PLCB1: variants seen among roughly 807,000 people sequenced by gnomAD.
PLCB1 encodes 1-phosphatidylinositol 4,5-bisphosphate phosphodiesterase beta-1.
In PLCB1, 46 loss-of-function variants were observed where a neutral mutation model predicts 161.8. The observed-to-expected ratio is 0.28, with a 90% CI of 0.22 to 0.36. The LOEUF (loss-of-function observed/expected upper bound fraction) is 0.36, where lower values mean the gene tolerates loss of function less well. Ranked by LOEUF, PLCB1 falls within the 10% of genes least tolerant of loss-of-function variation. The probability of loss-of-function intolerance (pLI) is 1.00; values close to 1 mark genes in which losing one functional copy is unlikely to be tolerated. For synonymous variants in PLCB1, 517 were observed against 503.7 expected, an observed-to-expected ratio of 1.03 and a Z score of -0.35; for missense variants, 1,016 against 1,472.5, an observed-to-expected ratio of 0.69 and a Z score of 5.07.
At chr20:8,768,284 G>A (rs1982470068) in intron 26 of PLCB1, among the ~76,000 whole-genome samples, 1 of 152,050 alleles carries the variant, frequency 6.6e-6, no homozygotes, top group South Asian at 2.1e-4. Flanking sequence ...TCTGGTGGTT[G>A]CTGGCAATCT....
intron 2 of PLCB1, among the ~76,000 whole-genome samples, chr20:8,335,298 A>G (rs1355231601): frequency 1.3e-5 from 2 of 152,200 alleles, no homozygotes; most frequent in African/African-American, 4.8e-5. Flanking sequence ...AAGGGTCAAT[A>G]TCTAGGCAGA....
intron 11 of PLCB1, among the ~76,000 whole-genome samples, chr20:8,699,402 C>T (rs545045863): frequency 6.6e-5 from 10 of 152,344 alleles, no homozygotes; most frequent in African/African-American, 2.4e-4. Flanking sequence ...CTGTGTGCCA[C>T]TTGCCAACTC....
chr20:8,319,148 A>C (rs970649648), intron 2 of PLCB1, among the ~76,000 whole-genome samples: 1 of 152,200 alleles, frequency 6.6e-6, no homozygotes, highest in African/African-American at 2.4e-5. Flanking sequence ...TTAGAGTCAC[A>C]AAACCTAGTG....
intron 2 of PLCB1, among the ~76,000 whole-genome samples, chr20:8,311,346 A>T (rs1984392597): frequency 1.3e-5 from 2 of 152,250 alleles, no homozygotes; most frequent in African/African-American, 4.8e-5. Flanking sequence ...AATCATGAAT[A>T]GATATGTTTA....
intron 3 of PLCB1, among the ~76,000 whole-genome samples, chr20:8,609,084 T>A (rs1023807493): frequency 4.6e-5 from 7 of 152,194 alleles, no homozygotes; most frequent in African/African-American, 1.7e-4. Context: ...CTTTATTGAT[T>A]TGAAAGTGTT....
intron 1 of PLCB1, among the ~76,000 whole-genome samples, chr20:8,137,614 GTGTAACA>G (rs2051362246): frequency 6.6e-6 from 1 of 152,182 alleles, no homozygotes; most frequent in Admixed American, 6.5e-5. Context: ...TAAAAAATCA[GTGTAACA>G]TGCGTACAAC....
At chr20:8,191,677 G>T (rs1022278883) in intron 2 of PLCB1, among the ~76,000 whole-genome samples, 1 of 151,946 alleles carries the variant, frequency 6.6e-6, no homozygotes, top group Non-Finnish European at 1.5e-5. Context: ...GGACAGATTA[G>T]TATGCTCTGT....
chr20:8,844,426 G>A (rs1053303242), intron 31 of PLCB1, among the ~76,000 whole-genome samples: 7 of 152,180 alleles, frequency 4.6e-5, no homozygotes, highest in African/African-American at 9.7e-5. Flanking sequence ...GCCCTTGAAC[G>A]TGTGGGACAG....
chr20:8,267,300 A>G (rs1600274378), intron 2 of PLCB1, among the ~76,000 whole-genome samples: 1 of 152,216 alleles, frequency 6.6e-6, no homozygotes, highest in East Asian at 1.9e-4. Flanking sequence ...AGTCCTATGG[A>G]GAACTGCTCC....
intron 26 of PLCB1, among the ~76,000 whole-genome samples, chr20:8,768,402 C>G (rs1982480968): frequency 6.6e-6 from 1 of 152,106 alleles, no homozygotes; most frequent in African/African-American, 2.4e-5. Context: ...CTTCTAATGA[C>G]AGACACCAGG....
In PLCB1 at chr20:8,756,554, C is replaced by T. The variant is rs76085751; in HGVS notation, c.2524-492C>T. 1.1e-3 allele frequency among the ~76,000 whole-genome samples: 173 copies of T among 152,284 alleles called. 4 individuals are homozygous for T. The East Asian group carries it at 0.026, about 23-fold the overall frequency. The stretch of plus-strand genomic sequence containing the variant: ...ACTCATAGACTCAGCTCATCTCAGC[C>T]GGGTTCACTCAAGTGTATGTGCTCA... On this transcript the variant is annotated intron_variant, in intron 23 of 31. Transcript: ENST00000338037.
intron 31 of PLCB1, among the ~76,000 whole-genome samples, chr20:8,823,096 C>T (rs533958355): frequency 1.2e-4 from 18 of 152,188 alleles, no homozygotes; most frequent in African/African-American, 3.1e-4. Context: ...GGATGTGCAA[C>T]GGGCATATGC....
At chr20:8,746,857 A>C (rs6140705) in intron 23 of PLCB1, among the ~76,000 whole-genome samples, 49,075 of 152,076 alleles carry the variant, frequency 0.32, 8,525 homozygotes, top group East Asian at 0.5. Flanking sequence ...CTGCATGTTA[A>C]GTGTGAAGAC....
At chr20:8,663,145 TACAC>T (rs1193075758) in intron 9 of PLCB1, among the ~76,000 whole-genome samples, 1 of 151,762 alleles carries the variant, frequency 6.6e-6, no homozygotes, top group African/African-American at 2.4e-5. Context: ...AAGCATAAGA[TACAC>T]ACATAATATA....
chr20:8,333,470 C>T (rs1030219595), intron 2 of PLCB1, among the ~76,000 whole-genome samples: 4 of 152,104 alleles, frequency 2.6e-5, no homozygotes, highest in East Asian at 3.9e-4. Flanking sequence ...ATTTCATGGC[C>T]TCAGAGCAAT....
chr20:8,639,777 C>T (rs1481581291), intron 4 of PLCB1, among the ~76,000 whole-genome samples: 1 of 151,722 alleles, frequency 6.6e-6, no homozygotes, highest in African/African-American at 2.4e-5. Flanking sequence ...GAATTGTGTT[C>T]TGAAATCCAA....
intron 2 of PLCB1, among the ~76,000 whole-genome samples, chr20:8,246,274 T>G (rs1980876153): frequency 6.6e-6 from 1 of 151,966 alleles, no homozygotes; most frequent in African/African-American, 2.4e-5. Flanking sequence ...GTTCTTCTGT[T>G]GCATCTGGGC....
At chr20:8,531,823 T>TA (rs1014692106) in intron 3 of PLCB1, among the ~76,000 whole-genome samples, 2 of 152,070 alleles carry the variant, frequency 1.3e-5, no homozygotes, top group African/African-American at 4.8e-5. Context: ...ATATCAGAAA[T>TA]AAAAAATTGT....
At chr20:8,393,737 T>G (rs1435963261) in intron 3 of PLCB1, among the ~76,000 whole-genome samples, 4 of 152,130 alleles carry the variant, frequency 2.6e-5, no homozygotes, top group African/African-American at 9.7e-5. Context: ...CTTTCTTTTT[T>G]CTTTAACTAT....
Sources: gnomAD v4.1 joint callset for allele counts (sites outside exome capture counted in the v4.1 genomes callset) on GRCh38, gnomAD v4.1.1 for gene constraint, MANE v1.5 for transcripts, NCBI Gene and HGNC (gene_info 2026-07-23, HGNC 2026-07-21) for gene names.